The following FAM222B variants were observed in gnomAD, a reference collection of about 807,000 sequenced individuals.
The protein encoded by FAM222B is family with sequence similarity 222 member B, also known as protein FAM222B.
Under a neutral mutation model 38.0 loss-of-function variants are expected in FAM222B, and 12 were observed. The observed-to-expected ratio is 0.32, with a 90% CI of 0.20 to 0.51. The LOEUF (loss-of-function observed/expected upper bound fraction) is 0.51, where lower values mean the gene tolerates loss of function less well. FAM222B is among the 20% of genes least tolerant of loss of function. The pLI, the probability that FAM222B is intolerant of heterozygous loss-of-function variation, is 0.97. For missense variants in FAM222B, 716 were observed against 754.2 expected, an observed-to-expected ratio of 0.95 and a Z score of 0.59; for synonymous variants, 329 against 317.2, an observed-to-expected ratio of 1.04 and a Z score of -0.40.
chr17:28,772,799 G>C (rs912938396), intron 1 of FAM222B, among the ~76,000 whole-genome samples: 2 of 152,086 alleles, frequency 1.3e-5, no homozygotes, highest in African/African-American at 4.8e-5. Flanking sequence ...GGAGGCTGAG[G>C]CAGAAGAATC....
chr17:28,778,007 CTT>C (rs34833861), intron 1 of FAM222B, among the ~76,000 whole-genome samples: 22 of 106,590 alleles, frequency 2.1e-4, no homozygotes, highest in Admixed American at 3.8e-4. Context: ...CCAGGCTGGA[CTT>C]TTTTTTTTTT....
intron 1 of FAM222B, among the ~76,000 whole-genome samples, chr17:28,807,009 T>C (rs772300045): frequency 6.6e-6 from 1 of 151,952 alleles, no homozygotes; most frequent in Non-Finnish European, 1.5e-5. Context: ...AGACTATTTA[T>C]CTTTTTTTAT....
At chr17:28,809,989 T>TGTTTTG (rs1290562326) in intron 1 of FAM222B, among the ~76,000 whole-genome samples, 1 of 151,766 alleles carries the variant, frequency 6.6e-6, no homozygotes, top group Non-Finnish European at 1.5e-5. Context: ...CAACTGGTTT[T>TGTTTTG]TTTTTGTTTT....
At chr17:28,775,325 G>A (rs372041626) in intron 1 of FAM222B, among the ~76,000 whole-genome samples, 80 of 152,018 alleles carry the variant, frequency 5.3e-4, no homozygotes, top group African/African-American at 1.8e-3. Flanking sequence ...TAAAGTACTG[G>A]CAAAGGCATT....
rs1039044702 is a variant in FAM222B, at chr17:28,758,620, C to T, written c.1339G>A (p.Gly447Ser). The stretch of plus-strand genomic sequence containing the variant: ...TTCCACAGGGGTTGGAAGTAGTGAC[C>T]ATTGGGGTAGGCCAATGGGGCTGCC... ...GMAAPLAYPN[G>S]HYFQPLWNNI... is the part of the protein sequence containing the mutation. Residue 447 changes from glycine (G) to serine (S), a missense_variant, in exon 3 of 3, where the codon GGT becomes AGT. Physicochemically the swap from Gly to Ser is moderately conservative, Grantham distance 56. Transcript: ENST00000581407. The T allele has an allele frequency of 2.5e-6, 4 of 1,611,644 alleles. No individual in the cohort carries two copies. The highest frequency in any genetic ancestry group is 3.4e-6 in the Non-Finnish European group (4 of 1,179,852).
At chr17:28,838,979 C>T (rs2038944732) in intron 1 of FAM222B, among the ~76,000 whole-genome samples, 1 of 151,840 alleles carries the variant, frequency 6.6e-6, no homozygotes, top group Non-Finnish European at 1.5e-5. Flanking sequence ...CTGAGTCGGG[C>T]AGATCACAAG....
intron 1 of FAM222B, among the ~76,000 whole-genome samples, chr17:28,769,011 T>C (rs997458038): frequency 6.6e-6 from 1 of 151,950 alleles, no homozygotes; most frequent in Non-Finnish European, 1.5e-5. Flanking sequence ...TGAGGGGCTT[T>C]AGTGATGTTT....
intron 1 of FAM222B, among the ~76,000 whole-genome samples, chr17:28,826,322 G>A (rs1234127153): frequency 2.6e-5 from 4 of 151,192 alleles, no homozygotes; most frequent in Non-Finnish European, 4.4e-5. Flanking sequence ...TGCCTGCCTC[G>A]GCCTCCTAAA....
At chr17:28,772,560 T>A (rs1406647039) in intron 1 of FAM222B, among the ~76,000 whole-genome samples, 121 of 111,068 alleles carry the variant, frequency 1.1e-3, no homozygotes, top group African/African-American at 2.7e-3. Context: ...CCATCTCTAC[T>A]AAAAAAAAAA....
intron 1 of FAM222B, among the ~76,000 whole-genome samples, chr17:28,805,623 C>CA (rs2037455618): frequency 6.6e-6 from 1 of 151,726 alleles, no homozygotes; most frequent in African/African-American, 2.4e-5. Context: ...TATATTCGAA[C>CA]CTGGATGACA....
At position 28,759,288 on chromosome 17, in the gene FAM222B, T is replaced by C. The variant is rs975668888; in HGVS notation, c.671A>G (p.Asn224Ser). The C allele has an allele frequency of 1.3e-5, 21 of 1,612,308 alleles. No homozygotes were observed. Among genetic ancestry groups the C allele is most frequent in the Middle Eastern group, 3.3e-4 (2 of 6,060 alleles). The change falls in exon 3 of 3, where the codon AAT becomes AGT. Residue 224 changes from asparagine to serine, a missense_variant. By Grantham distance (46) the Asn-to-Ser change is conservative (BLOSUM62 1). Coordinates refer to ENST00000581407, the MANE Select transcript of FAM222B (RefSeq NM_001077498.3). The surrounding 1 kb of genome is among the most constrained non-coding windows in gnomAD (Gnocchi z 4.8). ...LAHQGLQHPHNPLLHGGRKMP... is the reference protein window; with the variant it reads ...LAHQGLQHPHSPLLHGGRKMP... ...CTTCCGGCCTCCATGCAGCAAGGGA[T>C]TGTGGGGGTGCTGGAGACCCTGGTG...
At chr17:28,765,901 AG>A (rs1287856274) in intron 2 of FAM222B, among the ~76,000 whole-genome samples, 5 of 152,336 alleles carry the variant, frequency 3.3e-5, no homozygotes, top group African/African-American at 7.2e-5. Flanking sequence ...GCAAAGCCAA[AG>A]GGAACTGTCT....
intron 1 of FAM222B, among the ~76,000 whole-genome samples, chr17:28,835,097 G>A (rs1388494108): frequency 6.6e-6 from 1 of 151,242 alleles, no homozygotes; most frequent in Non-Finnish European, 1.5e-5. Context: ...CCAGGCTAGA[G>A]TGCAGTGGCG....
At chr17:28,791,824 T>C (rs926754786) in intron 1 of FAM222B, among the ~76,000 whole-genome samples, 3 of 151,608 alleles carry the variant, frequency 2.0e-5, no homozygotes, top group African/African-American at 4.8e-5. Flanking sequence ...CACGCCCAGC[T>C]AATTTTTGTA....
chr17:28,762,516 A>G (rs111679516), intron 2 of FAM222B, among the ~76,000 whole-genome samples: 1 of 150,356 alleles, frequency 6.7e-6, no homozygotes, highest in African/African-American at 2.4e-5. Flanking sequence ...AGTCCCAGCT[A>G]CTTGGGAGGC....
chr17:28,767,432 A>G (rs2035395285), intron 1 of FAM222B, among the ~76,000 whole-genome samples: 1 of 151,834 alleles, frequency 6.6e-6, no homozygotes, highest in Admixed American at 6.6e-5. Context: ...TGCCGGGATT[A>G]CAGGTGTGAG....
intron 1 of FAM222B, among the ~76,000 whole-genome samples, chr17:28,826,674 T>TC (rs1478313162): frequency 2.8e-5 from 3 of 108,236 alleles, no homozygotes; most frequent in African/African-American, 1.2e-4. Flanking sequence ...AGAGCAGAAC[T>TC]CCGTCTCAAA....
chr17:28,833,392 G>A (rs1383831391), intron 1 of FAM222B, among the ~76,000 whole-genome samples: 2 of 151,820 alleles, frequency 1.3e-5, no homozygotes, highest in African/African-American at 4.8e-5. Flanking sequence ...CGAAGCAGGT[G>A]CATCACCTGA....
At chr17:28,805,186 C>T (rs1347130092) in intron 1 of FAM222B, among the ~76,000 whole-genome samples, 2 of 152,038 alleles carry the variant, frequency 1.3e-5, no homozygotes, top group African/African-American at 2.4e-5. Flanking sequence ...AGGGAGACCC[C>T]GTCTCTATAA....
Sources: gnomAD v4.1 joint callset for allele counts (sites outside exome capture counted in the v4.1 genomes callset) on GRCh38, gnomAD v4.1.1 for gene constraint, Gnocchi (gnomAD v3.1) non-coding constraint, MANE v1.5 for transcripts, NCBI Gene and HGNC (gene_info 2026-07-23, HGNC 2026-07-21) for gene names.